Variants in ATL2 observed in about 807,000 individuals in gnomAD.
The protein encoded by ATL2 is atlastin GTPase 2.
A neutral mutation model predicts 73.9 loss-of-function variants in ATL2; 31 were observed. The ratio of observed to expected loss-of-function variants is 0.42; its 90% CI spans 0.32 to 0.57. ATL2 has a LOEUF of 0.57. Among genes scored for constraint, ATL2 ranks in the 20% least tolerant of loss-of-function variants. The pLI is 0.14. For missense variants in ATL2, 738 were observed against 702.6 expected, an observed-to-expected ratio of 1.05 and a Z score of -0.57; for synonymous variants, 291 against 237.5, an observed-to-expected ratio of 1.23 and a Z score of -2.07.
At chr2:38,327,332 C>T (rs1002970631) in intron 2 of ATL2, among the ~76,000 whole-genome samples, 4 of 151,776 alleles carry the variant, frequency 2.6e-5, no homozygotes, top group Non-Finnish European at 4.4e-5. Context: ...ATTAGGAATA[C>T]GCTAAGGTAA....
intron 9 of ATL2, among the ~76,000 whole-genome samples, chr2:38,302,821 CAA>C (rs1439030851): frequency 6.6e-6 from 1 of 152,172 alleles, no homozygotes; most frequent in Non-Finnish European, 1.5e-5. Context: ...CAAGTCCCTT[CAA>C]ATAGTTAGAA....
intron 2 of ATL2, among the ~76,000 whole-genome samples, chr2:38,323,742 T>C (rs1435261803): frequency 6.6e-6 from 1 of 152,122 alleles, no homozygotes; most frequent in Non-Finnish European, 1.5e-5. Flanking sequence ...AGACAGGGTC[T>C]TGCTCTATCA....
chr2:38,299,164 C>G, intron 11 of ATL2, 92 bp downstream of exon 11: 1 of 1,199,414 alleles, frequency 8.3e-7, no homozygotes, highest in Non-Finnish European at 1.1e-6. Flanking sequence ...TGCACAAATT[C>G]GCTCAATTAT....
intron 1 of ATL2, chr2:38,376,413 A>C (rs1308048897): frequency 9.9e-6 from 4 of 404,696 alleles, no homozygotes; most frequent in Non-Finnish European, 1.7e-5. Context: ...TTTCAGAGTG[A>C]TCAGGCCTTA....
intron 12 of ATL2, chr2:38,297,846 T>G: frequency 4.6e-6 from 1 of 217,834 alleles, no homozygotes; most frequent in Non-Finnish European, 9.0e-6. Context: ...TATATTTTCT[T>G]TCCTCAAAGA....
intron 1 of ATL2, among the ~76,000 whole-genome samples, chr2:38,353,529 G>C (rs573102582): frequency 1.3e-5 from 2 of 152,158 alleles, no homozygotes; most frequent in African/African-American, 2.4e-5. Context: ...AAAAATATTT[G>C]AAGAAGCAAT....
chr2:38,323,648 C>T (rs963588546), intron 2 of ATL2, among the ~76,000 whole-genome samples: 1 of 152,134 alleles, frequency 6.6e-6, no homozygotes, highest in Admixed American at 6.5e-5. Flanking sequence ...GAAAGGTATA[C>T]TCCCTAGCAA....
intron 2 of ATL2, among the ~76,000 whole-genome samples, chr2:38,336,910 T>C (rs949211267): frequency 2.0e-5 from 3 of 152,178 alleles, no homozygotes; most frequent in Non-Finnish European, 4.4e-5. Context: ...ATCTATGAAG[T>C]ACTCTTGCCA....
intron 2 of ATL2, among the ~76,000 whole-genome samples, chr2:38,336,365 G>GT (rs1158357084): frequency 2.6e-5 from 4 of 152,260 alleles, no homozygotes; most frequent in East Asian, 1.9e-4. Flanking sequence ...ATAAAGGACA[G>GT]TTTTTTTAAA....
chr2:38,365,985 T>C (rs1671308221), intron 1 of ATL2, among the ~76,000 whole-genome samples: 1 of 151,746 alleles, frequency 6.6e-6, no homozygotes, highest in South Asian at 2.1e-4. Flanking sequence ...AATTCCAGAC[T>C]TGGCTCAATA....
Position 38,295,559 on chromosome 2 carries a change from A to G in ATL2, c.*435T>C, listed in dbSNP as rs2148394182. 6.5e-6 allele frequency: 1 copy of G among 154,008 alleles called. No homozygotes were observed. The highest frequency in any genetic ancestry group is 1.4e-5 in the Non-Finnish European group (1 of 69,220). 9.5% of individuals were successfully genotyped at this position (154,008 alleles called of 1,614,324 possible). On this transcript the variant is annotated 3_prime_UTR_variant, in exon 13 of 13. Transcript: ENST00000378954. The stretch of plus-strand genomic sequence containing the variant: ...TATATACTTTTAATGTAGTGGCTCA[A>G]TAAAGGCTTCATTGTCTTTCCAATC...
chr2:38,359,952 A>G (rs1213095865), intron 1 of ATL2, among the ~76,000 whole-genome samples: 1 of 151,686 alleles, frequency 6.6e-6, no homozygotes, highest in Non-Finnish European at 1.5e-5. Flanking sequence ...ATATGGTGAA[A>G]CCCCGTCTCT....
chr2:38,324,534 T>C (rs761510636), intron 2 of ATL2, among the ~76,000 whole-genome samples: 1 of 152,184 alleles, frequency 6.6e-6, no homozygotes, highest in African/African-American at 2.4e-5. Flanking sequence ...TTATAAAACA[T>C]TTAACTTTAA....
intron 2 of ATL2, among the ~76,000 whole-genome samples, chr2:38,326,057 A>G (rs1205855163): frequency 6.6e-6 from 1 of 152,062 alleles, no homozygotes; most frequent in Non-Finnish European, 1.5e-5. Context: ...GGGCAACATA[A>G]GGAGACTGTG....
chr2:38,377,277 A>AT, upstream of ATL2: 1 of 1,547,066 alleles, frequency 6.5e-7, no homozygotes, highest in South Asian at 1.2e-5. Flanking sequence ...CCGATTTAAA[A>AT]TTAACTCCCC....
intron 2 of ATL2, among the ~76,000 whole-genome samples, chr2:38,341,107 A>C (rs962955219): frequency 1.2e-4 from 18 of 152,188 alleles, no homozygotes; most frequent in African/African-American, 4.1e-4. Flanking sequence ...TAAGTGATCT[A>C]AGCTTCCCTC....
At chr2:38,359,207 C>T (rs1204962265) in intron 1 of ATL2, among the ~76,000 whole-genome samples, 8 of 152,276 alleles carry the variant, frequency 5.3e-5, no homozygotes, top group South Asian at 2.1e-4. Context: ...CAGTGGCTCA[C>T]GCCTGTAATC....
rs537760294 is a variant in ATL2, at chr2:38,321,018, G to C, written c.364-1999C>G. On this transcript the variant is annotated intron_variant, in intron 2 of 12. Transcript: ENST00000378954. ...AAAAAAAAAAAAATTAGCCAGGCGT[G>C]GCGGCACATGCCTGTAATCCCAGCT... Among the ~76,000 whole-genome samples the C allele has an allele frequency of 4.6e-5, 7 of 151,908 alleles. 1 individual carries two copies. The South Asian group carries it at 1.5e-3, about 32-fold the overall frequency.
In ATL2 at chr2:38,310,258, T is replaced by C. The variant is rs372883231; in HGVS notation, c.943+51A>G. On this transcript the variant is annotated intron_variant, in intron 8 of 12. Transcript: ENST00000378954. ...GCGTCATGTATTTTCTTAAAAAACT[T>C]TCCACCTCTAATAAATAAGTTCAGA... 8.2e-6 allele frequency: 13 copies of C among 1,591,150 alleles called. No individual in the cohort carries two copies. The African/African-American group carries it at 1.5e-4, about 18-fold the overall frequency.
Sources: gnomAD v4.1 joint callset for allele counts (sites outside exome capture counted in the v4.1 genomes callset) on GRCh38, gnomAD v4.1.1 for gene constraint, MANE v1.5 for transcripts, NCBI Gene and HGNC (gene_info 2026-07-23, HGNC 2026-07-21) for gene names.